The following DNAH14 variants were observed in gnomAD, a reference collection of about 807,000 sequenced individuals.
DNAH14 encodes the protein axonemal beta dynein heavy chain 14.
Under a neutral mutation model 520.9 loss-of-function variants are expected in DNAH14, and 478 were observed. The ratio of observed to expected loss-of-function variants is 0.92; its 90% CI spans 0.85 to 0.99. DNAH14 has a LOEUF of 0.99. DNAH14 is among the 50% of genes least tolerant of loss of function. The probability of loss-of-function intolerance (pLI) is 0.00; values close to 1 mark genes in which losing one functional copy is unlikely to be tolerated. For missense variants in DNAH14, 4,831 were observed against 5,234.5 expected (o/e 0.92, Z 2.38); for synonymous variants, 1,581 against 1,757.2 (o/e 0.90, Z 2.51).
At position 224,967,527 on chromosome 1, in the gene DNAH14, C is replaced by T. The variant is rs1228527424; in HGVS notation, c.595C>T (p.His199Tyr). ...NPYDLQVVSA[H>Y]TAKHCKEFWV... ...ATATGATCTTCAGGTAGTATCGGCT[C>T]ATACTGCTAAACATTGCAAAGAATT... Residue 199 changes from histidine to tyrosine, a missense_variant, in exon 6 of 86, where the codon CAT becomes TAT. By Grantham distance (83) the His-to-Tyr change is moderately conservative (BLOSUM62 2). Coordinates refer to ENST00000682510, the MANE Select transcript of DNAH14 (RefSeq NM_001367479.1). 6.2e-7 allele frequency: 1 copy of T among 1,604,592 alleles called. No homozygotes were observed. Among genetic ancestry groups the T allele is most frequent in the East Asian group, 2.3e-5 (1 of 44,236 alleles).
chr1:225,077,243 C>T (rs1338626908), intron 17 of DNAH14, among the ~76,000 whole-genome samples: 1 of 152,076 alleles, frequency 6.6e-6, no homozygotes, highest in Non-Finnish European at 1.5e-5. Flanking sequence ...AGGGTAATCT[C>T]ACATCCAAAT....
At chr1:225,332,187 A>C (rs1388576892) in intron 65 of DNAH14, among the ~76,000 whole-genome samples, 1 of 152,192 alleles carries the variant, frequency 6.6e-6, no homozygotes, top group Admixed American at 6.5e-5. Context: ...CACCTCAGCT[A>C]TCTCAAGGGA....
At chr1:225,374,655 C>G (rs1248391304) in intron 77 of DNAH14, 33 bp from the exon 78 acceptor site, 1 of 1,489,158 alleles carries the variant, frequency 6.7e-7, no homozygotes, top group Non-Finnish European at 9.0e-7. Context: ...GAAACACATA[C>G]TGAAATAATA....
At chr1:225,068,788 C>T (rs1010657555) in intron 17 of DNAH14, among the ~76,000 whole-genome samples, 4 of 152,138 alleles carry the variant, frequency 2.6e-5, no homozygotes, top group South Asian at 4.1e-4. Flanking sequence ...TATTTTTGCA[C>T]GTTGATTTTC....
chr1:224,947,711 C>T (rs1003210986), intron 1 of DNAH14, among the ~76,000 whole-genome samples: 1 of 151,978 alleles, frequency 6.6e-6, no homozygotes, highest in Non-Finnish European at 1.5e-5. Flanking sequence ...ATGAGTACCT[C>T]TTTAGCTGCA....
chr1:224,974,026 T>A (rs2061656832), intron 7 of DNAH14, 65 bp from the exon 8 acceptor site: 1 of 1,112,862 alleles, frequency 9.0e-7, no homozygotes, highest in African/African-American at 1.6e-5. Flanking sequence ...AAGCTTTTAC[T>A]AAATTTATTC....
intron 66 of DNAH14, among the ~76,000 whole-genome samples, chr1:225,334,951 G>C (rs2094885347): frequency 6.7e-6 from 1 of 148,414 alleles, no homozygotes; most frequent in African/African-American, 2.6e-5. Context: ...TATATGTAGA[G>C]ACCTCAAGCA....
At chr1:224,997,231 T>C (rs981861817) in intron 8 of DNAH14, among the ~76,000 whole-genome samples, 2 of 152,126 alleles carry the variant, frequency 1.3e-5, no homozygotes, top group African/African-American at 2.4e-5. Flanking sequence ...GTGTTCCTTA[T>C]GAAGTGAGAC....
At chr1:225,212,842 T>TCC (rs2088649285) in intron 41 of DNAH14, among the ~76,000 whole-genome samples, 1 of 152,164 alleles carries the variant, frequency 6.6e-6, no homozygotes, top group Non-Finnish European at 1.5e-5. Flanking sequence ...TAAAAATTGT[T>TCC]TCCCATTCTG....
At chr1:225,128,140 C>T (rs1008859820) in intron 27 of DNAH14, among the ~76,000 whole-genome samples, 3 of 152,148 alleles carry the variant, frequency 2.0e-5, no homozygotes, top group Admixed American at 2.0e-4. Flanking sequence ...CTGTCCTTAA[C>T]ATTTTTTCCT....
chr1:225,303,426 C>A, intron 57 of DNAH14, 79 bp downstream of exon 57: 1 of 1,260,766 alleles, frequency 7.9e-7, no homozygotes, highest in Non-Finnish European at 1.1e-6. Flanking sequence ...GCAACAAACC[C>A]TAGATGGACA....
At chr1:225,374,983 T>C in intron 78 of DNAH14, 98 bp downstream of exon 78, 1 of 1,181,894 alleles carries the variant, frequency 8.5e-7, no homozygotes, top group Non-Finnish European at 1.2e-6. Flanking sequence ...TTGATGTTCA[T>C]TTTTAAAGGC....
chr1:225,005,444 G>A (rs573465544), intron 9 of DNAH14, among the ~76,000 whole-genome samples: 7 of 152,236 alleles, frequency 4.6e-5, no homozygotes, highest in Middle Eastern at 3.4e-3. Context: ...AATTGGTAGT[G>A]GAGAGATACT....
chr1:225,377,463 G>T, intron 79 of DNAH14, 27 bp downstream of exon 79: 1 of 1,523,990 alleles, frequency 6.6e-7, no homozygotes. Flanking sequence ...AAAAATTGTT[G>T]GTCAAAAATT....
At chr1:225,372,351 C>T (rs558384251) in intron 77 of DNAH14, among the ~76,000 whole-genome samples, 51 of 152,246 alleles carry the variant, frequency 3.3e-4, no homozygotes, top group Non-Finnish European at 6.9e-4. Flanking sequence ...ATCCACTATA[C>T]TAAAATCAAT....
chr1:224,958,998 G>A (rs1445388615), intron 3 of DNAH14, among the ~76,000 whole-genome samples: 2 of 152,050 alleles, frequency 1.3e-5, no homozygotes. Flanking sequence ...GGAGAGTAAG[G>A]AGTGTTAAAA....
chr1:225,195,998 AATTTATTT>A (rs549336597), intron 38 of DNAH14, among the ~76,000 whole-genome samples: 49 of 151,600 alleles, frequency 3.2e-4, no homozygotes, highest in Admixed American at 6.6e-4. Flanking sequence ...ATTTTTAAGA[AATTTATTT>A]ATTTATTTAT....
intron 61 of DNAH14, 109 bp downstream of exon 61, chr1:225,318,786 A>T: frequency 9.6e-7 from 1 of 1,040,416 alleles, no homozygotes. Flanking sequence ...CCTATATTCC[A>T]TTTCTTAATC....
At position 225,195,583 on chromosome 1, in the gene DNAH14, A is replaced by G. The variant is rs180841748; in HGVS notation, c.5886+2672A>G. On this transcript the variant is annotated intron_variant, in intron 38 of 85. Transcript: ENST00000682510. ...TTATTACCTGGGTAAAAATCTGTAT[A>G]CCAAACCCCCGAGACACGCAATTTA... Among the ~76,000 whole-genome samples the G allele has an allele frequency of 1.1e-4, 16 of 152,082 alleles. No individual in the cohort carries two copies. In the East Asian group the frequency reaches 2.9e-3, roughly 28 times the overall value.
Sources: allele counts gnomAD v4.1 joint callset (sites outside exome capture counted in the v4.1 genomes callset), GRCh38; gene constraint gnomAD v4.1.1; transcripts MANE v1.5; gene names NCBI Gene and HGNC (gene_info 2026-07-23, HGNC 2026-07-21).